The following RAD54B variants were observed in gnomAD, a reference collection of about 807,000 sequenced individuals.
RAD54B encodes the protein RAD54 homolog B, also known as DNA repair and recombination protein RAD54B.
In RAD54B, 78 loss-of-function variants were observed where a neutral mutation model predicts 95.8. The ratio of observed to expected loss-of-function variants is 0.81; its 90% CI spans 0.68 to 0.98. The LOEUF (loss-of-function observed/expected upper bound fraction) is 0.98, where lower values mean the gene tolerates loss of function less well. Ranked by LOEUF, RAD54B falls within the 50% of genes least tolerant of loss-of-function variation. The pLI, the probability that RAD54B is intolerant of heterozygous loss-of-function variation, is 0.00. For synonymous variants in RAD54B, 328 were observed against 354.9 expected, an observed-to-expected ratio of 0.92 and a Z score of 0.85; for missense variants, 957 against 1,056.6, an observed-to-expected ratio of 0.91 and a Z score of 1.31.
At chr8:94,374,207 A>G (rs1271060266) in intron 14 of RAD54B, among the ~76,000 whole-genome samples, 1 of 151,712 alleles carries the variant, frequency 6.6e-6, no homozygotes, top group East Asian at 1.9e-4. Context: ...TTAACCCGGG[A>G]GGCGGAGCTG....
intron 3 of RAD54B, among the ~76,000 whole-genome samples, chr8:94,446,316 C>T (rs551257909): frequency 1.3e-5 from 2 of 152,156 alleles, no homozygotes; most frequent in Admixed American, 1.3e-4. Context: ...AATTATATGC[C>T]TTATTAATCT....
chr8:94,386,335 G>A (rs2129971649), intron 11 of RAD54B, among the ~76,000 whole-genome samples: 1 of 152,260 alleles, frequency 6.6e-6, no homozygotes, highest in African/African-American at 2.4e-5. Flanking sequence ...GACAAGATGA[G>A]GCTTACAATA....
At chr8:94,375,967 C>T (rs1290120566) in intron 14 of RAD54B, among the ~76,000 whole-genome samples, 2 of 151,980 alleles carry the variant, frequency 1.3e-5, no homozygotes, top group African/African-American at 2.4e-5. Flanking sequence ...TCACCATGTA[C>T]ATTTTATATT....
At chr8:94,410,830 G>A (rs992704921) in intron 4 of RAD54B, among the ~76,000 whole-genome samples, 9 of 152,080 alleles carry the variant, frequency 5.9e-5, no homozygotes, top group Admixed American at 2.6e-4. Context: ...CAAATTTAGT[G>A]TTTAAGCTCA....
intron 3 of RAD54B, among the ~76,000 whole-genome samples, chr8:94,448,925 T>C (rs1226707774): frequency 2.0e-5 from 3 of 152,154 alleles, no homozygotes; most frequent in African/African-American, 4.8e-5. Flanking sequence ...TTTTAGGTGC[T>C]CTGGTCACAC....
intron 3 of RAD54B, among the ~76,000 whole-genome samples, chr8:94,450,545 G>A (rs1812631311): frequency 6.6e-6 from 1 of 152,190 alleles, no homozygotes; most frequent in Non-Finnish European, 1.5e-5. Flanking sequence ...CATAGTTTCT[G>A]TGAGAAAAAG....
chr8:94,378,670 A>G, intron 12 of RAD54B, 36 bp from the exon 13 acceptor site: 1 of 1,416,016 alleles, frequency 7.1e-7, no homozygotes, highest in Non-Finnish European at 9.8e-7. Context: ...AGAGTACAGT[A>G]GAAACTAATG....
chr8:94,407,107 C>T (rs1811408633), intron 5 of RAD54B, among the ~76,000 whole-genome samples: 2 of 152,106 alleles, frequency 1.3e-5, no homozygotes, highest in Admixed American at 6.6e-5. Flanking sequence ...AATACATTTA[C>T]TAATTTCTCT....
At chr8:94,428,001 AAGAAATCTGGTATTCGTT>A (rs1811987142) in intron 3 of RAD54B, 1 of 930,170 alleles carries the variant, frequency 1.1e-6, no homozygotes. Context: ...TGACTATTTT[AAGAAATCTGGTATTCGTT>A]AGAAATGAGT....
At chr8:94,440,062 T>C (rs1402292478) in intron 3 of RAD54B, among the ~76,000 whole-genome samples, 2 of 152,202 alleles carry the variant, frequency 1.3e-5, no homozygotes, top group African/African-American at 4.8e-5. Flanking sequence ...TAAAATATTT[T>C]TATTTTCTTC....
chr8:94,431,002 C>T, intron 3 of RAD54B: 1 of 985,368 alleles, frequency 1.0e-6, no homozygotes, highest in Non-Finnish European at 1.2e-6. Context: ...TTCAAACACC[C>T]ATGGTCCCCT....
chr8:94,404,315 T>A, intron 5 of RAD54B, 76 bp from the exon 6 acceptor site: 2 of 1,316,196 alleles, frequency 1.5e-6, no homozygotes, highest in Non-Finnish European at 2.0e-6. Flanking sequence ...TTCATTACCC[T>A]AAGATAGAAA....
At chr8:94,428,297 G>C (rs536533336) in intron 3 of RAD54B, 1 of 982,176 alleles carries the variant, frequency 1.0e-6, no homozygotes, top group East Asian at 1.1e-4. Context: ...TGTAATTAAA[G>C]CTCATGGACC....
intron 12 of RAD54B, 130 bp downstream of exon 12, chr8:94,380,015 A>T (rs1810693566): frequency 2.0e-6 from 2 of 995,784 alleles, no homozygotes; most frequent in Non-Finnish European, 2.9e-6. Context: ...AGCACTTAGG[A>T]GAGTGCCTCA....
At chr8:94,376,805 T>A (rs1364427707) in intron 14 of RAD54B, among the ~76,000 whole-genome samples, 1 of 149,898 alleles carries the variant, frequency 6.7e-6, no homozygotes, top group East Asian at 1.9e-4. Context: ...GACAAATAAC[T>A]AATAAACTAA....
chr8:94,375,597 T>G (rs903609709), intron 14 of RAD54B, among the ~76,000 whole-genome samples: 46 of 152,176 alleles, frequency 3.0e-4, no homozygotes, highest in Admixed American at 7.2e-4. Flanking sequence ...CAGGTATGCC[T>G]TTATCAGCAG....
chr8:94,457,122 A>C (rs780786018), intron 3 of RAD54B, among the ~76,000 whole-genome samples: 2 of 152,226 alleles, frequency 1.3e-5, no homozygotes, highest in Admixed American at 6.5e-5. Flanking sequence ...CTGATGAAGA[A>C]ATTAGAAAAG....
At chr8:94,435,465 T>C (rs1345611995) in intron 3 of RAD54B, among the ~76,000 whole-genome samples, 1 of 152,144 alleles carries the variant, frequency 6.6e-6, no homozygotes, top group Non-Finnish European at 1.5e-5. Flanking sequence ...TTTGCTTATA[T>C]AATGCCTCTT....
At position 94,399,424 on chromosome 8, in the gene RAD54B, T is replaced by G; in HGVS notation, c.1368A>C (p.Ile456=). 6.2e-7 allele frequency: 1 copy of G among 1,612,988 alleles called. No homozygotes were observed. Among genetic ancestry groups the G allele is most frequent in the South Asian group, 1.1e-5 (1 of 91,006 alleles). ...ALISLSCEKR[I]ILTGTPIQND... is the part of the protein sequence containing the mutation. ...AAACTGAATACTGACCAGTTAGAAT[T>G]ATTCTTTTCTCACAAGAAAGGCTAA... The change falls in exon 8 of 15, where the codon ATA becomes ATC. Residue 456 remains isoleucine, a synonymous_variant. Transcript: ENST00000336148.
Sources: allele counts gnomAD v4.1 joint callset (sites outside exome capture counted in the v4.1 genomes callset), GRCh38; gene constraint gnomAD v4.1.1; transcripts MANE v1.5; gene names NCBI Gene and HGNC (gene_info 2026-07-23, HGNC 2026-07-21).